The following ZNF787 variants were observed in gnomAD, a reference collection of about 807,000 sequenced individuals.
The protein encoded by ZNF787 is TTF-I-interacting peptide 20.
ZNF787 carries 7 observed loss-of-function variants against 16.9 expected under a neutral mutation model. The ratio of observed to expected loss-of-function variants is 0.42; its 90% CI spans 0.24 to 0.78. ZNF787 has a LOEUF of 0.78. ZNF787 is among the 30% of genes least tolerant of loss of function. ZNF787 has a pLI of 0.30. For missense variants in ZNF787, 551 were observed against 589.3 expected (o/e 0.94, Z 0.67); for synonymous variants, 345 against 270.9 (o/e 1.27, Z -2.69).
intron 2 of ZNF787, among the ~76,000 whole-genome samples, chr19:56,092,452 GCAC>G (rs1985648149): frequency 6.6e-6 from 1 of 151,082 alleles, no homozygotes; most frequent in Non-Finnish European, 1.5e-5. Context: ...CCCACCTGCA[GCAC>G]CACTACTCCA....
intron 2 of ZNF787, among the ~76,000 whole-genome samples, chr19:56,093,037 A>G (rs191131786): frequency 5.7e-4 from 86 of 151,366 alleles, no homozygotes; most frequent in African/African-American, 2.0e-3. Flanking sequence ...TACCCCATAG[A>G]CACGGGATGG....
In ZNF787 at chr19:56,088,151, C is replaced by T; in HGVS notation, c.1021G>A (p.Val341Met). ...ALRRHKKIHA[V>M]GAPSVCSSCG... ...CTGCTGCAGACCGAGGGCGCGCCCA[C>T]CGCGTGGATCTTCTTGTGTCTCCGG... is the stretch of plus-strand genomic sequence containing the variant. Residue 341 changes from valine to methionine, a missense_variant, in exon 3 of 3, where the codon GTG becomes ATG. Val to Met is a conservative substitution (Grantham distance 21). Transcript: ENST00000610935. The surrounding 1 kb of genome is among the most constrained non-coding windows in gnomAD (Gnocchi z 8.6). The T allele has an allele frequency of 6.4e-7, 1 of 1,555,142 alleles. No individual in the cohort carries two copies. The highest frequency in any genetic ancestry group is 8.7e-7 in the Non-Finnish European group (1 of 1,155,822).
At chr19:56,114,912 CCTCCA>C (rs2030087128) in intron 1 of ZNF787, among the ~76,000 whole-genome samples, 1 of 152,160 alleles carries the variant, frequency 6.6e-6, no homozygotes, top group Non-Finnish European at 1.5e-5. Context: ...CAGCGCCACC[CCTCCA>C]CTCCCCCACC....
chr19:56,118,153 G>C (rs557463204), intron 1 of ZNF787, among the ~76,000 whole-genome samples: 1 of 152,364 alleles, frequency 6.6e-6, no homozygotes, highest in East Asian at 1.9e-4. Context: ...CTGGGACAGG[G>C]CCACTGACAC....
At chr19:56,120,672 G>C (rs1302013704) in intron 1 of ZNF787, among the ~76,000 whole-genome samples, 1 of 151,876 alleles carries the variant, frequency 6.6e-6, no homozygotes, top group African/African-American at 2.4e-5. Context: ...CGTGCCCTCG[G>C]GGCCGCGGTA....
At chr19:56,097,576 G>A (rs1985918930) in intron 2 of ZNF787, among the ~76,000 whole-genome samples, 1 of 152,256 alleles carries the variant, frequency 6.6e-6, no homozygotes, top group Non-Finnish European at 1.5e-5. Context: ...GGCAGGAGGA[G>A]GAAACACCCG....
intron 1 of ZNF787, among the ~76,000 whole-genome samples, chr19:56,107,174 C>G (rs1281152345): frequency 6.6e-6 from 1 of 152,172 alleles, no homozygotes; most frequent in Non-Finnish European, 1.5e-5. Context: ...CTGGGTAGGT[C>G]TGACTGCTGT....
In ZNF787 at chr19:56,088,077, G is replaced by C. The variant is rs534882096; in HGVS notation, c.1095C>G (p.Asp365Glu). 3 of 1,473,188 alleles carry C rather than the reference G, an allele frequency of 2.0e-6. No homozygotes were observed. The highest frequency in any genetic ancestry group is 1.8e-6 in the Non-Finnish European group (2 of 1,121,974). The allele number at this position is 1,473,188 out of a possible 1,614,324, so 91.3% of individuals were successfully genotyped here. A position where few individuals can be genotyped will look rare whatever the true frequency, so the allele number is the denominator to read the frequency against. The change falls in exon 3 of 3, where the codon GAC becomes GAG. Residue 365 changes from aspartate to glutamate, a missense_variant. Transcript: ENST00000610935. This position sits in a 1 kb window ranked among gnomAD's most constrained non-coding sequence, Gnocchi z 8.6. Reference protein sequence around the residue: ...YRAGGEEEDDDDEAAGGRCPE... With the variant: ...YRAGGEEEDDEDEAAGGRCPE... ...GGCACCGCCCGCCCGCGGCCTCGTC[G>C]TCGTCGTCCTCCTCCTCCCCGCCCG...
chr19:56,117,622 A>G (rs952977902), intron 1 of ZNF787, among the ~76,000 whole-genome samples: 1 of 152,242 alleles, frequency 6.6e-6, no homozygotes, highest in Non-Finnish European at 1.5e-5. Flanking sequence ...CTCTTGGACA[A>G]CGGCATTTGT....
Position 56,088,026 on chromosome 19 carries a change from C to G in ZNF787, c.1146G>C (p.Arg382=). The G allele has an allele frequency of 1.1e-5, 13 of 1,235,142 alleles. No homozygotes were observed. Among genetic ancestry groups the G allele is most frequent in the Admixed American group, 4.3e-5 (1 of 23,030 alleles). 76.5% of individuals were successfully genotyped at this position (1,235,142 alleles called of 1,614,324 possible). Residue 382 remains arginine (R), a synonymous_variant, in exon 3 of 3, where the codon CGG becomes CGC. Transcript: ENST00000610935. This position sits in a 1 kb window ranked among gnomAD's most constrained non-coding sequence, Gnocchi z 8.6. ...RCPECRGGEG[R] ...CCCCCCCCCCCGGGCCCCTCCCCTA[C>G]CGGCCCTCCCCACCGCGGCACTCGG... is the stretch of plus-strand genomic sequence containing the variant.
intron 1 of ZNF787, among the ~76,000 whole-genome samples, chr19:56,114,488 G>A (rs1278884739): frequency 2.0e-5 from 3 of 150,434 alleles, no homozygotes; most frequent in Admixed American, 1.3e-4. Flanking sequence ...TCTCTCTGAG[G>A]GGCCGGGCTC....
chr19:56,095,267 C>A (rs1985829155), intron 2 of ZNF787, among the ~76,000 whole-genome samples: 2 of 152,196 alleles, frequency 1.3e-5, no homozygotes, highest in Non-Finnish European at 2.9e-5. Flanking sequence ...CCAAGTGTGG[C>A]CCAGTTCCTA....
intron 1 of ZNF787, among the ~76,000 whole-genome samples, chr19:56,112,137 G>A (rs2029997963): frequency 6.6e-6 from 1 of 152,162 alleles, no homozygotes; most frequent in African/African-American, 2.4e-5. Flanking sequence ...GGGGGCACCA[G>A]GAGCTGCGGG....
Position 56,087,949 on chromosome 19 carries a change from T to C in ZNF787, c.*74A>G. The C allele has an allele frequency of 7.7e-7, 1 of 1,292,286 alleles. No homozygotes were observed. Among genetic ancestry groups the C allele is most frequent in the Non-Finnish European group, 9.8e-7 (1 of 1,021,486 alleles). The allele number at this position is 1,292,286 out of a possible 1,614,324, so 80.1% of individuals were successfully genotyped here. Reference sequence around the variant, plus strand: ...CGCACCCCGTCCGCTTCTCCCTGGGTCTCTTGGTCTTGCACGTCGTCGCTC... The same window carrying C: ...CGCACCCCGTCCGCTTCTCCCTGGGCCTCTTGGTCTTGCACGTCGTCGCTC... On this transcript the variant is annotated 3_prime_UTR_variant, in exon 3 of 3. Coordinates refer to ENST00000610935, the MANE Select transcript of ZNF787 (RefSeq NM_001002836.4).
At position 56,087,839 on chromosome 19, in the gene ZNF787, A is replaced by G. The variant is rs1265474268; in HGVS notation, c.*184T>C. Reference sequence around the variant, plus strand: ...GCAGAGTCTCGAGGCGGAGAAGTGAACGGGCCCTAATACGCCCCAGTGCCC... The same window carrying G: ...GCAGAGTCTCGAGGCGGAGAAGTGAGCGGGCCCTAATACGCCCCAGTGCCC... On this transcript the variant is annotated 3_prime_UTR_variant, in exon 3 of 3. Coordinates refer to ENST00000610935, the MANE Select transcript of ZNF787 (RefSeq NM_001002836.4). 5.2e-6 allele frequency: 5 copies of G among 966,976 alleles called. No homozygotes were observed. Among genetic ancestry groups the G allele is most frequent in the African/African-American group, 3.4e-5 (2 of 58,042 alleles). 59.9% of individuals were successfully genotyped at this position (966,976 alleles called of 1,614,324 possible).
intron 2 of ZNF787, among the ~76,000 whole-genome samples, chr19:56,095,394 T>C (rs1439631677): frequency 6.6e-6 from 1 of 152,182 alleles, no homozygotes; most frequent in Non-Finnish European, 1.5e-5. Context: ...CTGTCCCTTA[T>C]CTTTTTTATT....
chr19:56,095,068 C>T (rs1985820571), intron 2 of ZNF787, among the ~76,000 whole-genome samples: 1 of 152,154 alleles, frequency 6.6e-6, no homozygotes, highest in South Asian at 2.1e-4. Context: ...GAGCCAATAT[C>T]GCACCATCGC....
Position 56,087,899 on chromosome 19 carries a change from G to C in ZNF787, c.*124C>G. 8 of 1,270,792 alleles carry C rather than the reference G, an allele frequency of 6.3e-6. No individual in the cohort carries two copies. The highest frequency in any genetic ancestry group is 7.9e-6 in the Non-Finnish European group (8 of 1,007,648). The allele number at this position is 1,270,792 out of a possible 1,614,324, so 78.7% of individuals were successfully genotyped here. On this transcript the variant is annotated 3_prime_UTR_variant, in exon 3 of 3. Coordinates refer to ENST00000610935, the MANE Select transcript of ZNF787 (RefSeq NM_001002836.4). The stretch of plus-strand genomic sequence containing the variant: ...CGGCGCAGGGACAGAGGAGGGCGGG[G>C]AGCCGGGGATGCCGCGGGGTCCATC...
rs5828672 is a variant in ZNF787 at position 56,088,071 on chromosome 19, CTCGTCGTCG to C, written c.1092_1100del (p.Asp364_Asp366del). The stretch of plus-strand genomic sequence containing the variant: ...ACTCGGGGCACCGCCCGCCCGCGGC[CTCGTCGTCG>C]TCGTCCTCCTCCTCCCCGCCCGCGC... On this transcript the variant is annotated inframe_deletion, in exon 3 of 3. Transcript: ENST00000610935. The surrounding 1 kb of genome is among the most constrained non-coding windows in gnomAD (Gnocchi z 8.6). 2.0e-6 allele frequency: 3 copies of C among 1,470,312 alleles called. No individual in the cohort carries two copies. The East Asian group carries it at 9.0e-5, about 44-fold the overall frequency. The allele number at this position is 1,470,312 out of a possible 1,614,324, so 91.1% of individuals were successfully genotyped here.
Sources: gnomAD v4.1 joint callset for allele counts (sites outside exome capture counted in the v4.1 genomes callset) on GRCh38, gnomAD v4.1.1 for gene constraint, Gnocchi (gnomAD v3.1) non-coding constraint, MANE v1.5 for transcripts, NCBI Gene and HGNC (gene_info 2026-07-23, HGNC 2026-07-21) for gene names.